Variants in KALRN observed in about 807,000 individuals in gnomAD.
The protein encoded by KALRN is kalirin.
KALRN carries 70 observed loss-of-function variants against 353.7 expected under a neutral mutation model. The ratio of observed to expected loss-of-function variants is 0.20; its 90% confidence interval spans 0.16 to 0.24. KALRN has a LOEUF of 0.24. KALRN is among the 10% of genes least tolerant of loss of function. KALRN has a pLI of 1.00. For synonymous variants in KALRN, 1,391 were observed against 1,434.8 expected (o/e 0.97, Z 0.69); for missense variants, 2,791 against 3,756.7 (o/e 0.74, Z 6.72).
chr3:124,393,314 C>A lies in KALRN; in HGVS notation c.1963-1821C>A, dbSNP rs891654687. ...AATATTTTTTCAGAGAATCCATCAT[C>A]TCTTCCCTAAAGACTTAAATACACT... On this transcript the variant is annotated intron_variant, in intron 11 of 59. Transcript: ENST00000682506. 7.2e-5 allele frequency among the ~76,000 whole-genome samples: 11 copies of A among 152,290 alleles called. 1 individual carries two copies. The highest frequency in any genetic ancestry group is 5.9e-4 in the Admixed American group (9 of 15,296).
intron 57 of KALRN, among the ~76,000 whole-genome samples, chr3:124,710,425 A>G (rs980765231): frequency 2.0e-5 from 3 of 152,236 alleles, no homozygotes; most frequent in African/African-American, 7.2e-5. Flanking sequence ...CACTCAAAGC[A>G]TACTATTGAG....
chr3:124,454,825 G>A (rs1032843845), intron 21 of KALRN, among the ~76,000 whole-genome samples: 2 of 152,160 alleles, frequency 1.3e-5, no homozygotes, highest in African/African-American at 4.8e-5. Context: ...GATTTGAAGT[G>A]TTCCTGAGGA....
intron 1 of KALRN, among the ~76,000 whole-genome samples, chr3:124,039,964 T>C (rs1427946062): frequency 6.6e-6 from 1 of 152,186 alleles, no homozygotes; most frequent in African/African-American, 2.4e-5. Context: ...GGAATGTTGT[T>C]AATATTTCTA....
intron 1 of KALRN, among the ~76,000 whole-genome samples, chr3:124,122,535 G>T (rs111437939): frequency 3.3e-5 from 5 of 152,136 alleles, no homozygotes; most frequent in African/African-American, 9.7e-5. Context: ...TGCTCACTTC[G>T]TGTCTCTATG....
rs1350322943 is a variant in KALRN, at chr3:124,724,270, C to A, written c.*4800C>A. On this transcript the variant is annotated 3_prime_UTR_variant, in exon 60 of 60. Transcript: ENST00000682506. ...GGAAATTATTTTGTACGTAAGAGGTCTTTGTAGTAGGGCAAAGTTCAAACT... is the reference window on the plus strand; with the variant it reads ...GGAAATTATTTTGTACGTAAGAGGTATTTGTAGTAGGGCAAAGTTCAAACT... 2 of 152,112 alleles carry A rather than the reference C, an allele frequency of 1.3e-5. No individual in the cohort carries two copies. Among genetic ancestry groups the A allele is most frequent in the Non-Finnish European group, 2.9e-5 (2 of 68,008 alleles). 9.4% of individuals were successfully genotyped at this position (152,112 alleles called of 1,614,324 possible). A position where few individuals can be genotyped will look rare whatever the true frequency, so the allele number is the denominator to read the frequency against.
chr3:124,287,930 G>C (rs912610670), intron 5 of KALRN, among the ~76,000 whole-genome samples: 27 of 151,176 alleles, frequency 1.8e-4, no homozygotes, highest in Non-Finnish European at 4.4e-5. Context: ...CTAGAGTACA[G>C]TGGTGTGATC....
chr3:124,504,830 C>T (rs897753447), intron 33 of KALRN: 5 of 472,016 alleles, frequency 1.1e-5, no homozygotes, highest in Admixed American at 2.3e-5. Context: ...CACCACAGCC[C>T]AACTCAAATT....
At chr3:124,400,294 C>T (rs1223174135) in intron 13 of KALRN, among the ~76,000 whole-genome samples, 1 of 152,156 alleles carries the variant, frequency 6.6e-6, no homozygotes, top group East Asian at 1.9e-4. Flanking sequence ...TAAAGGTACT[C>T]ATCTTTCTAT....
intron 3 of KALRN, among the ~76,000 whole-genome samples, chr3:124,237,103 A>C (rs1209225560): frequency 6.6e-6 from 1 of 152,256 alleles, no homozygotes. Context: ...GGATTGTTCT[A>C]AAGACAGTGA....
At chr3:124,322,823 G>T (rs1379029252) in intron 6 of KALRN, among the ~76,000 whole-genome samples, 7 of 152,130 alleles carry the variant, frequency 4.6e-5, no homozygotes, top group African/African-American at 7.2e-5. Context: ...TGTACCTAGG[G>T]ACAACTGCAG....
chr3:124,101,269 G>A (rs2061840920), intron 1 of KALRN, among the ~76,000 whole-genome samples: 1 of 152,132 alleles, frequency 6.6e-6, no homozygotes, highest in African/African-American at 2.4e-5. Flanking sequence ...GGGGTTTGGA[G>A]GTAGGGATGG....
intron 1 of KALRN, among the ~76,000 whole-genome samples, chr3:124,040,557 G>A (rs2039863168): frequency 6.6e-6 from 1 of 152,234 alleles, no homozygotes; most frequent in Admixed American, 6.5e-5. Context: ...GCTCCAAAAT[G>A]TCAGTAATGC....
intron 10 of KALRN, among the ~76,000 whole-genome samples, chr3:124,372,872 T>C (rs2086037877): frequency 6.6e-6 from 1 of 152,258 alleles, no homozygotes; most frequent in Non-Finnish European, 1.5e-5. Context: ...TGTTGGAATT[T>C]CAGCCCAGGC....
At chr3:124,253,283 T>C (rs1318319597) in intron 3 of KALRN, among the ~76,000 whole-genome samples, 1 of 152,248 alleles carries the variant, frequency 6.6e-6, no homozygotes, top group East Asian at 1.9e-4. Flanking sequence ...TTGTTTTCTC[T>C]ACAGAACTCC....
At chr3:124,115,059 C>A (rs2063337160) in intron 1 of KALRN, among the ~76,000 whole-genome samples, 1 of 152,116 alleles carries the variant, frequency 6.6e-6, no homozygotes. Context: ...AGGAGAATTT[C>A]AGCTGTGGAT....
At chr3:124,514,407 C>T (rs1395089684) in intron 33 of KALRN, among the ~76,000 whole-genome samples, 1 of 152,172 alleles carries the variant, frequency 6.6e-6, no homozygotes, top group African/African-American at 2.4e-5. Context: ...TAAGAAGTCA[C>T]TGCTATAATT....
At chr3:124,255,610 G>C (rs141092757) in intron 3 of KALRN, among the ~76,000 whole-genome samples, 12 of 152,162 alleles carry the variant, frequency 7.9e-5, no homozygotes, top group Non-Finnish European at 1.3e-4. Flanking sequence ...TCTCTGTAAG[G>C]CTCTAGAAAT....
rs1322602908 is a variant in KALRN, at chr3:124,723,917, A to G, written c.*4447A>G. On this transcript the variant is annotated 3_prime_UTR_variant, in exon 60 of 60. Transcript: ENST00000682506. Reference sequence around the variant, plus strand: ...TGAGAAGAAAATATCTTCTCATACCACAATTTATTTTTCACAGCCTCACAG... The same window carrying G: ...TGAGAAGAAAATATCTTCTCATACCGCAATTTATTTTTCACAGCCTCACAG... 6.6e-6 allele frequency: 1 copy of G among 152,202 alleles called. No homozygotes were observed. Among genetic ancestry groups the G allele is most frequent in the Non-Finnish European group, 1.5e-5 (1 of 68,032 alleles). 9.4% of individuals were successfully genotyped at this position (152,202 alleles called of 1,614,324 possible).
chr3:124,237,012 A>G (rs1012540886), intron 3 of KALRN, among the ~76,000 whole-genome samples: 20 of 152,348 alleles, frequency 1.3e-4, no homozygotes, highest in African/African-American at 4.3e-4. Context: ...GGCAGGCCGC[A>G]GAGTTCACCT....
Sources: gnomAD v4.1 joint callset for allele counts (sites outside exome capture counted in the v4.1 genomes callset) on GRCh38, gnomAD v4.1.1 for gene constraint, MANE v1.5 for transcripts, NCBI Gene and HGNC (gene_info 2026-07-23, HGNC 2026-07-21) for gene names.